The following KAZN variants were observed in gnomAD, a reference collection of about 807,000 sequenced individuals.
KAZN encodes the protein kazrin.
A neutral mutation model predicts 87.4 loss-of-function variants in KAZN; 40 were observed. That is an observed-to-expected ratio of 0.46 (90% CI 0.36 to 0.60). KAZN has a LOEUF of 0.60. KAZN is among the 20% of genes least tolerant of loss of function. The pLI, the probability that KAZN is intolerant of heterozygous loss-of-function variation, is 0.00. For missense variants in KAZN, 898 were observed against 1,073.9 expected (o/e 0.84, Z 2.29); for synonymous variants, 466 against 458.3 (o/e 1.02, Z -0.22).
chr1:14,958,214 G>A (rs761801272), intron 1 of KAZN, among the ~76,000 whole-genome samples: 3 of 152,228 alleles, frequency 2.0e-5, no homozygotes, highest in East Asian at 3.8e-4. Context: ...CACTGATGGC[G>A]AGGGTAGGGC....
chr1:14,045,152 T>C (rs866126878), intron 1 of KAZN, among the ~76,000 whole-genome samples: 2 of 152,204 alleles, frequency 1.3e-5, no homozygotes, highest in Non-Finnish European at 2.9e-5. Context: ...GGATCAGAGA[T>C]GAACTGCCCA....
At chr1:14,577,107 A>G (rs1444910534) in intron 2 of KAZN, among the ~76,000 whole-genome samples, 2 of 152,196 alleles carry the variant, frequency 1.3e-5, no homozygotes, top group Non-Finnish European at 2.9e-5. Flanking sequence ...CTTTTGCAAC[A>G]TTTCTTTTAA....
In KAZN at chr1:15,099,250, G is replaced by C. The variant is rs956088114; in HGVS notation, c.1548-2293G>C. ...CTGCTCTTAGCCATTATTCCAGGAA[G>C]CATTCAATCAGTGTCTACTGTGCAC... On this transcript the variant is annotated intron_variant, in intron 10 of 14. Coordinates refer to ENST00000376030, the MANE Select transcript of KAZN (RefSeq NM_201628.3). The surrounding 1 kb of genome is among the most constrained non-coding windows in gnomAD (Gnocchi z 5.4). Among the ~76,000 whole-genome samples the C allele has an allele frequency of 2.6e-5, 4 of 152,218 alleles. No homozygotes were observed. The South Asian group carries it at 8.3e-4, about 32-fold the overall frequency.
At chr1:14,154,953 T>TCTTCCTTC (rs77458563) in intron 1 of KAZN, among the ~76,000 whole-genome samples, 14,575 of 134,770 alleles carry the variant, frequency 0.11, 997 homozygotes, top group African/African-American at 0.17. Context: ...TTGTAGTTTT[T>TCTTCCTTC]CTTCCTTCCT....
Position 15,066,387 on chromosome 1 carries a change from G to A in KAZN, c.1222+634G>A, listed in dbSNP as rs936812784. ...GGACCAGACCCTGTCCTGGGGGTGC[G>A]CCCAAGTCACTTTAACCACAAAACG... On this transcript the variant is annotated intron_variant, in intron 8 of 14. Coordinates refer to ENST00000376030, the MANE Select transcript of KAZN (RefSeq NM_201628.3). This position sits in a 1 kb window ranked among gnomAD's most constrained non-coding sequence, Gnocchi z 4.3. 30 of 984,278 alleles carry A rather than the reference G, an allele frequency of 3.0e-5. No individual in the cohort carries two copies. The African/African-American group carries it at 3.2e-4, about 10-fold the overall frequency. The allele number at this position is 984,278 out of a possible 1,614,324, so 61.0% of individuals were successfully genotyped here.
intron 2 of KAZN, among the ~76,000 whole-genome samples, chr1:14,487,372 A>G (rs1243486321): frequency 1.3e-5 from 2 of 152,196 alleles, no homozygotes; most frequent in Admixed American, 1.3e-4. Flanking sequence ...TGTATTCACT[A>G]TAGCCAGTGA....
chr1:14,247,042 C>G (rs1649580430), intron 2 of KAZN, among the ~76,000 whole-genome samples: 1 of 152,116 alleles, frequency 6.6e-6, no homozygotes, highest in African/African-American at 2.4e-5. Flanking sequence ...CTTGCCAAGG[C>G]ACGTTATTGT....
At chr1:13,928,283 T>A (rs1640362670) in intron 1 of KAZN, among the ~76,000 whole-genome samples, 1 of 152,206 alleles carries the variant, frequency 6.6e-6, no homozygotes, top group African/African-American at 2.4e-5. Flanking sequence ...GCTGGGTCCT[T>A]CTGGATCATG....
chr1:13,960,680 G>A (rs1434233048), intron 1 of KAZN, among the ~76,000 whole-genome samples: 2 of 152,184 alleles, frequency 1.3e-5, no homozygotes, highest in East Asian at 3.8e-4. Context: ...GCCTCATTCG[G>A]GTCCTACTTG....
chr1:13,978,332 T>C (rs894656574), intron 1 of KAZN, among the ~76,000 whole-genome samples: 1 of 151,742 alleles, frequency 6.6e-6, no homozygotes, highest in Non-Finnish European at 1.5e-5. Flanking sequence ...TCCTAGGAAA[T>C]AGGACCTGAA....
At position 14,370,538 on chromosome 1, in the gene KAZN, C is replaced by G. The variant is rs576261115; in HGVS notation, c.249+189946C>G. Among the ~76,000 whole-genome samples the G allele has an allele frequency of 2.0e-5, 3 of 152,258 alleles. No individual in the cohort carries two copies. In the East Asian group the frequency reaches 5.8e-4, roughly 29 times the overall value. On this transcript the variant is annotated intron_variant, in intron 2 of 16. Transcript: ENST00000636203. ...AGGGCATGCTAGGAAAGCCTTGCTC[C>G]TGGGGGGTATAGACACGATTACTTT...
At chr1:14,657,168 C>T (rs1638855613) in intron 1 of KAZN, among the ~76,000 whole-genome samples, 1 of 151,010 alleles carries the variant, frequency 6.6e-6, no homozygotes, top group Non-Finnish European at 1.5e-5. Flanking sequence ...CTGCAACCTC[C>T]GCCTCCTGGG....
chr1:14,852,782 G>C (rs1649614765), intron 1 of KAZN, among the ~76,000 whole-genome samples: 1 of 152,222 alleles, frequency 6.6e-6, no homozygotes, highest in Non-Finnish European at 1.5e-5. Context: ...AAGATTACGT[G>C]TTAGCTTTTA....
At chr1:14,465,807 A>C (rs1668093418) in intron 2 of KAZN, among the ~76,000 whole-genome samples, 1 of 152,180 alleles carries the variant, frequency 6.6e-6, no homozygotes. Context: ...CCAAATAAAA[A>C]ATGTCTTATA....
At chr1:14,728,560 G>A (rs1333177156) in intron 1 of KAZN, among the ~76,000 whole-genome samples, 1 of 152,120 alleles carries the variant, frequency 6.6e-6, no homozygotes, top group Non-Finnish European at 1.5e-5. Flanking sequence ...TGGGGCCCAG[G>A]GACCTGAATT....
At chr1:14,596,347 A>G (rs1478025940), upstream of KAZN, among the ~76,000 whole-genome samples, 2 of 151,712 alleles carry the variant, frequency 1.3e-5, no homozygotes, top group East Asian at 1.9e-4. Context: ...CGGCCCTCTA[A>G]ATAGAGCTAC....
intron 2 of KAZN, among the ~76,000 whole-genome samples, chr1:14,520,950 T>A (rs1315339046): frequency 1.3e-5 from 2 of 152,096 alleles, no homozygotes; most frequent in Admixed American, 1.3e-4. Flanking sequence ...ATTGTTCTAT[T>A]GGGAAGAAGG....
intron 1 of KAZN, among the ~76,000 whole-genome samples, chr1:14,734,054 C>G (rs79181652): frequency 0.034 from 5,221 of 152,268 alleles, 126 homozygotes; most frequent in South Asian, 0.097. Context: ...TCCCTCCTGC[C>G]GGGTGAGCAG....
At chr1:14,762,454 G>A (rs184557889) in intron 1 of KAZN, among the ~76,000 whole-genome samples, 166 of 152,258 alleles carry the variant, frequency 1.1e-3, no homozygotes, top group African/African-American at 3.7e-3. Context: ...GGCCGGGTGC[G>A]GTGGCTCACG....
Sources: gnomAD v4.1 joint callset for allele counts (sites outside exome capture counted in the v4.1 genomes callset) on GRCh38, gnomAD v4.1.1 for gene constraint, Gnocchi (gnomAD v3.1) non-coding constraint, MANE v1.5 for transcripts, NCBI Gene and HGNC (gene_info 2026-07-23, HGNC 2026-07-21) for gene names.